KCNMB2: variants seen among roughly 807,000 people sequenced by gnomAD.
KCNMB2 encodes potassium calcium-activated channel subfamily M regulatory beta subunit 2, also known as calcium-activated potassium channel subunit beta-2.
A neutral mutation model predicts 24.5 loss-of-function variants in KCNMB2; 9 were observed. That is an observed-to-expected ratio of 0.37 (90% CI 0.22 to 0.64). The LOEUF is 0.64. KCNMB2 is among the 30% of genes least tolerant of loss of function. The probability of loss-of-function intolerance (pLI) is 0.63; values close to 1 mark genes in which losing one functional copy is unlikely to be tolerated. For synonymous variants in KCNMB2, 109 were observed against 104.4 expected, an observed-to-expected ratio of 1.04 and a Z score of -0.27; for missense variants, 226 against 284.3, an observed-to-expected ratio of 0.79 and a Z score of 1.47.
At chr3:178,724,880 G>A (rs1176691338) in intron 1 of KCNMB2, among the ~76,000 whole-genome samples, 17 of 152,208 alleles carry the variant, frequency 1.1e-4, no homozygotes, top group Admixed American at 1.1e-3. Flanking sequence ...TTTTGTACCA[G>A]CACAATGCTG....
chr3:178,754,185 C>CAA (rs1723948628), intron 1 of KCNMB2, among the ~76,000 whole-genome samples: 1 of 84,686 alleles, frequency 1.2e-5, no homozygotes, highest in African/African-American at 7.1e-5. Flanking sequence ...TATACACACA[C>CAA]ACACACATAC....
At chr3:178,579,747 A>G (rs1308623179) in intron 1 of KCNMB2, among the ~76,000 whole-genome samples, 1 of 152,202 alleles carries the variant, frequency 6.6e-6, no homozygotes, top group Non-Finnish European at 1.5e-5. Context: ...AAACACCTCT[A>G]TGCAAATAAA....
At chr3:178,812,562 T>C (rs1477291942) in intron 2 of KCNMB2, among the ~76,000 whole-genome samples, 3 of 152,106 alleles carry the variant, frequency 2.0e-5, no homozygotes, top group Non-Finnish European at 4.4e-5. Context: ...CAGTTTCAAA[T>C]AGACATCCTC....
chr3:178,709,066 AG>A (rs1368264518), intron 1 of KCNMB2, among the ~76,000 whole-genome samples: 2 of 152,200 alleles, frequency 1.3e-5, no homozygotes, highest in African/African-American at 4.8e-5. Context: ...AGTTCTATTT[AG>A]GGGAAGAAGA....
chr3:178,582,190 G>A (rs1002024973), intron 1 of KCNMB2, among the ~76,000 whole-genome samples: 1 of 152,128 alleles, frequency 6.6e-6, no homozygotes, highest in Non-Finnish European at 1.5e-5. Context: ...CATAAAAAAA[G>A]GATGAGTTCA....
intron 1 of KCNMB2, among the ~76,000 whole-genome samples, chr3:178,616,683 T>C (rs565297185): frequency 6.6e-6 from 1 of 152,234 alleles, no homozygotes; most frequent in Admixed American, 6.5e-5. Context: ...TCTGTGTGGA[T>C]AGTTGTTAAC....
intron 4 of KCNMB2, among the ~76,000 whole-genome samples, chr3:178,835,741 T>C (rs1715204494): frequency 6.6e-6 from 1 of 151,690 alleles, no homozygotes; most frequent in African/African-American, 2.4e-5. Flanking sequence ...GTTTACTTCA[T>C]GGACATTGTA....
At chr3:178,718,324 C>T (rs1413916327) in intron 1 of KCNMB2, among the ~76,000 whole-genome samples, 1 of 152,158 alleles carries the variant, frequency 6.6e-6, no homozygotes, top group African/African-American at 2.4e-5. Context: ...GGTAAAAACC[C>T]AACCAAACAA....
At chr3:178,604,247 G>C (rs547429709) in intron 1 of KCNMB2, among the ~76,000 whole-genome samples, 35 of 152,266 alleles carry the variant, frequency 2.3e-4, no homozygotes, top group African/African-American at 8.2e-4. Context: ...AACTGGAGTG[G>C]AGTGAGTTAT....
chr3:178,681,747 T>A (rs2108320187), intron 1 of KCNMB2, among the ~76,000 whole-genome samples: 1 of 152,334 alleles, frequency 6.6e-6, no homozygotes, highest in Admixed American at 6.5e-5. Context: ...CTTCTTGTCT[T>A]CTCAAGTAGA....
chr3:178,634,789 C>T (rs937434643), intron 1 of KCNMB2, among the ~76,000 whole-genome samples: 3 of 152,190 alleles, frequency 2.0e-5, no homozygotes, highest in South Asian at 2.1e-4. Context: ...GGAGTAACCA[C>T]GATTAAGTTT....
chr3:178,829,243 CT>C (rs1287559225), intron 4 of KCNMB2, among the ~76,000 whole-genome samples: 1 of 151,978 alleles, frequency 6.6e-6, no homozygotes, highest in Non-Finnish European at 1.5e-5. Context: ...ACTCTTGGCT[CT>C]TATTACCAGG....
At chr3:178,807,682 T>C (rs1178856688) in intron 2 of KCNMB2, among the ~76,000 whole-genome samples, 5 of 152,142 alleles carry the variant, frequency 3.3e-5, no homozygotes, top group African/African-American at 1.2e-4. Context: ...AGTTGTTCCC[T>C]GTCAGAAATT....
At chr3:178,594,970 A>C (rs1379039072) in intron 1 of KCNMB2, among the ~76,000 whole-genome samples, 1 of 150,466 alleles carries the variant, frequency 6.6e-6, no homozygotes, top group African/African-American at 2.4e-5. Context: ...TTATGAGGCT[A>C]ATATAGACAT....
chr3:178,649,823 T>G (rs1720045586), intron 1 of KCNMB2, among the ~76,000 whole-genome samples: 1 of 60,100 alleles, frequency 1.7e-5, no homozygotes, highest in Non-Finnish European at 2.9e-5. Flanking sequence ...AGCTCCTGGA[T>G]TCATTGACTT....
At chr3:178,656,241 G>A (rs1309719573) in intron 1 of KCNMB2, among the ~76,000 whole-genome samples, 1 of 152,112 alleles carries the variant, frequency 6.6e-6, no homozygotes, top group Non-Finnish European at 1.5e-5. Context: ...AATTATTTCT[G>A]ACAACTGAAA....
intron 1 of KCNMB2, among the ~76,000 whole-genome samples, chr3:178,630,688 C>T (rs901016068): frequency 1.8e-4 from 28 of 152,222 alleles, no homozygotes; most frequent in African/African-American, 6.8e-4. Context: ...CCATTCCCTC[C>T]TCCCTTCTCC....
chr3:178,623,332 G>A (rs765430595), intron 1 of KCNMB2, among the ~76,000 whole-genome samples: 25 of 152,178 alleles, frequency 1.6e-4, no homozygotes, highest in Admixed American at 2.6e-4. Context: ...TAAAAGAAAT[G>A]TTTGAAGCAT....
chr3:178,588,770 A>G (rs544254324), intron 1 of KCNMB2, among the ~76,000 whole-genome samples: 1 of 152,300 alleles, frequency 6.6e-6, no homozygotes, highest in East Asian at 1.9e-4. Context: ...GCTACCCAGC[A>G]TCATTACACC....
Sources: allele counts gnomAD v4.1 joint callset (sites outside exome capture counted in the v4.1 genomes callset), GRCh38; gene constraint gnomAD v4.1.1; transcripts MANE v1.5; gene names NCBI Gene and HGNC (gene_info 2026-07-23, HGNC 2026-07-21).